Variants in AMZ1 observed in about 807,000 individuals in gnomAD.
The protein encoded by AMZ1 is archaemetzincin-1.
Under a neutral mutation model 29.9 loss-of-function variants are expected in AMZ1, and 39 were observed. The observed-to-expected ratio is 1.30, with a 90% CI of 1.01 to 1.70. The LOEUF is 1.70. AMZ1 is among the 40% of genes most tolerant of loss of function. The pLI, the probability that AMZ1 is intolerant of heterozygous loss-of-function variation, is 0.00. For missense variants in AMZ1, 1,041 were observed against 680.6 expected (o/e 1.53, Z -5.89); for synonymous variants, 458 against 304.0 (o/e 1.51, Z -5.27).
intron 4 of AMZ1, among the ~76,000 whole-genome samples, chr7:2,732,710 A>G (rs1789963109): frequency 6.6e-6 from 1 of 152,240 alleles, no homozygotes. Context: ...GGACAGAGAA[A>G]CATCTTCAAT....
chr7:2,687,867 C>T (rs1787144692), upstream of AMZ1, among the ~76,000 whole-genome samples: 1 of 152,016 alleles, frequency 6.6e-6, no homozygotes, highest in Admixed American at 6.6e-5. Flanking sequence ...ACCCCTCTCA[C>T]CTGGGGCCTT....
At chr7:2,756,293 G>A (rs1295481197) in intron 4 of AMZ1, among the ~76,000 whole-genome samples, 1 of 152,028 alleles carries the variant, frequency 6.6e-6, no homozygotes, top group African/African-American at 2.4e-5. Context: ...AATCAAAAAA[G>A]GACATTGATT....
chr7:2,720,029 G>T (rs1789351209), downstream of AMZ1, among the ~76,000 whole-genome samples: 1 of 152,214 alleles, frequency 6.6e-6, no homozygotes, highest in Non-Finnish European at 1.5e-5. Context: ...TGAAATTCTG[G>T]AAGGCTAAAT....
chr7:2,733,766 G>A (rs963682178), intron 4 of AMZ1, among the ~76,000 whole-genome samples: 8 of 152,224 alleles, frequency 5.3e-5, no homozygotes, highest in African/African-American at 1.9e-4. Context: ...TTTGGTGTGT[G>A]GTGCGATGCA....
At chr7:2,687,083 C>G (rs1040790998), upstream of AMZ1, among the ~76,000 whole-genome samples, 1 of 151,892 alleles carries the variant, frequency 6.6e-6, no homozygotes, top group Admixed American at 6.5e-5. Context: ...ACTCCCAGCA[C>G]TTTGAGAGGC....
chr7:2,763,978 G>A (rs1791695320), upstream of AMZ1, among the ~76,000 whole-genome samples: 1 of 152,236 alleles, frequency 6.6e-6, no homozygotes, highest in Admixed American at 6.5e-5. Flanking sequence ...AGGGGCATGA[G>A]AACAGGGTAC....
intron 1 of AMZ1, among the ~76,000 whole-genome samples, chr7:2,692,067 T>C (rs1244098840): frequency 1.3e-5 from 2 of 152,210 alleles, no homozygotes; most frequent in African/African-American, 4.8e-5. Flanking sequence ...GAGAAGCCGG[T>C]GAGCAGGTCA....
intron 6 of AMZ1, 143 bp from the exon 7 acceptor site, chr7:2,712,187 G>A (rs1788824193): frequency 1.2e-6 from 1 of 840,582 alleles, no homozygotes; most frequent in Non-Finnish European, 1.8e-6. Context: ...CTGGTCACAA[G>A]AGCCCTCACA....
chr7:2,749,969 G>T (rs1338607623), intron 4 of AMZ1, among the ~76,000 whole-genome samples: 1 of 152,200 alleles, frequency 6.6e-6, no homozygotes, highest in African/African-American at 2.4e-5. Flanking sequence ...AACAAAGAGA[G>T]TGGGGCAGAG....
chr7:2,688,020 G>A (rs544572262), upstream of AMZ1, among the ~76,000 whole-genome samples: 2 of 152,144 alleles, frequency 1.3e-5, no homozygotes, highest in Admixed American at 6.5e-5. Context: ...CCCCCTGCCC[G>A]GGTGTTTCTG....
At chr7:2,684,507 G>A (rs1192664126), upstream of AMZ1, among the ~76,000 whole-genome samples, 1 of 152,244 alleles carries the variant, frequency 6.6e-6, no homozygotes, top group Non-Finnish European at 1.5e-5. Context: ...GGATGGTGAT[G>A]GGGTCAAAGT....
Position 2,731,769 on chromosome 7 carries a change from G to A in AMZ1, n.550+21953G>A. 7.5e-7 allele frequency: 1 copy of A among 1,325,826 alleles called. No homozygotes were observed. Among genetic ancestry groups the A allele is most frequent in the Non-Finnish European group, 1.0e-6 (1 of 982,962 alleles). 82.1% of individuals were successfully genotyped at this position (1,325,826 alleles called of 1,614,324 possible). ...AGTAATTCTGTAAAATACAGGATGAGGCAGAAATTTAGGGGGAGGAAGAAA... is the reference window on the plus strand; with the variant it reads ...AGTAATTCTGTAAAATACAGGATGAAGCAGAAATTTAGGGGGAGGAAGAAA... On this transcript the variant is annotated intron_variant and non_coding_transcript_variant, in intron 4 of 4. Coordinates refer to the AMZ1 transcript ENST00000489665. This position sits in a 1 kb window ranked among gnomAD's most constrained non-coding sequence, Gnocchi z 6.0.
chr7:2,684,708 G>T (rs1311139448), upstream of AMZ1, among the ~76,000 whole-genome samples: 3 of 152,198 alleles, frequency 2.0e-5, no homozygotes, highest in Admixed American at 6.5e-5. Context: ...GCAGGGGCCA[G>T]GTCATCAGCA....
upstream of AMZ1, chr7:2,763,238 A>C: frequency 2.0e-5 from 8 of 398,892 alleles, no homozygotes; most frequent in Non-Finnish European, 2.8e-5. Context: ...ACACGGTCTC[A>C]ACACAGTTCA....
upstream of AMZ1, among the ~76,000 whole-genome samples, chr7:2,687,037 A>T (rs1787105375): frequency 6.6e-6 from 1 of 150,676 alleles, no homozygotes; most frequent in Non-Finnish European, 1.5e-5. Flanking sequence ...GGCTTAAAAA[A>T]ATTCTTTGAG....
chr7:2,711,718 C>T (rs946574208), intron 6 of AMZ1, among the ~76,000 whole-genome samples: 1 of 152,120 alleles, frequency 6.6e-6, no homozygotes, highest in Non-Finnish European at 1.5e-5. Context: ...CATGCCCACA[C>T]CTTTGCTTTA....
intron 4 of AMZ1, chr7:2,728,033 G>T (rs1248662703): frequency 1.3e-5 from 2 of 151,418 alleles, no homozygotes; most frequent in Non-Finnish European, 2.9e-5. Context: ...AAAAAATTAG[G>T]ATGAGAGTGA....
intron 6 of AMZ1, 53 bp from the exon 7 acceptor site, chr7:2,712,277 G>A (rs1788829873): frequency 6.7e-7 from 1 of 1,492,830 alleles, no homozygotes; most frequent in Non-Finnish European, 8.9e-7. Flanking sequence ...GCAGTTCCCT[G>A]GCTAGACAAG....
At chr7:2,733,516 G>A (rs1339822578) in intron 4 of AMZ1, 1 of 1,608,458 alleles carries the variant, frequency 6.2e-7, no homozygotes, top group South Asian at 1.1e-5. Flanking sequence ...CAGGAAGGAA[G>A]AATATTCACA....
Sources: allele counts gnomAD v4.1 joint callset (sites outside exome capture counted in the v4.1 genomes callset), GRCh38; gene constraint gnomAD v4.1.1; non-coding constraint Gnocchi (gnomAD v3.1); transcripts MANE v1.5; gene names NCBI Gene and HGNC (gene_info 2026-07-23, HGNC 2026-07-21).